GAS7: variants seen among roughly 807,000 people sequenced by gnomAD.
GAS7 encodes the protein growth arrest specific 7.
A neutral mutation model predicts 71.1 loss-of-function variants in GAS7; 28 were observed. The ratio of observed to expected loss-of-function variants is 0.39; its 90% confidence interval spans 0.29 to 0.54. GAS7 has a LOEUF of 0.54. Ranked by LOEUF, GAS7 falls within the 20% of genes least tolerant of loss-of-function variation. The probability of loss-of-function intolerance (pLI) is 0.62; values close to 1 mark genes in which losing one functional copy is unlikely to be tolerated. For missense variants in GAS7, 436 were observed against 627.8 expected, an observed-to-expected ratio of 0.69 and a Z score of 3.27; for synonymous variants, 258 against 245.8, an observed-to-expected ratio of 1.05 and a Z score of -0.46.
intron 1 of GAS7, among the ~76,000 whole-genome samples, chr17:10,112,962 C>T (rs72809349): frequency 0.074 from 11,179 of 151,984 alleles, 537 homozygotes; most frequent in Non-Finnish European, 0.1. Flanking sequence ...GTAAAACAAC[C>T]GACTGGCCTG....
intron 1 of GAS7, among the ~76,000 whole-genome samples, chr17:10,102,841 T>C (rs1345768070): frequency 6.6e-6 from 1 of 151,176 alleles, no homozygotes; most frequent in Non-Finnish European, 1.5e-5. Flanking sequence ...GAGCCACAAA[T>C]CCCAAACAGG....
Position 10,122,138 on chromosome 17 carries a change from TG to T in GAS7, c.183+76069del, listed in dbSNP as rs1467659439. Among the ~76,000 whole-genome samples the T allele has an allele frequency of 2.0e-5, 3 of 152,132 alleles. No homozygotes were observed. The South Asian group carries it at 6.2e-4, about 32-fold the overall frequency. On this transcript the variant is annotated intron_variant, in intron 1 of 13. Transcript: ENST00000432992. ...ACACGACTCACTCCTCCTCGTACAGTGTGACCTGCATCTCCCGGGAGCACAC... is the reference window on the plus strand; with the variant it reads ...ACACGACTCACTCCTCCTCGTACAGTTGACCTGCATCTCCCGGGAGCACAC...
At chr17:10,129,677 TAAC>T (rs2073980934) in intron 1 of GAS7, among the ~76,000 whole-genome samples, 1 of 152,262 alleles carries the variant, frequency 6.6e-6, no homozygotes, top group Non-Finnish European at 1.5e-5. Flanking sequence ...TTGAAATTAC[TAAC>T]TTTTGTGTTC....
intron 1 of GAS7, among the ~76,000 whole-genome samples, chr17:10,074,113 G>A (rs954320990): frequency 6.6e-6 from 1 of 152,178 alleles, no homozygotes; most frequent in East Asian, 1.9e-4. Flanking sequence ...CGTATGCAAC[G>A]ATAACAGGAG....
chr17:9,927,335 A>ACACACACACACACACAC (rs57345129), intron 9 of GAS7, among the ~76,000 whole-genome samples: 1 of 149,502 alleles, frequency 6.7e-6, no homozygotes, highest in African/African-American at 2.5e-5. Flanking sequence ...ACACACACAC[A>ACACACACACACACACAC]AATTAGCTGG....
At position 10,103,542 on chromosome 17, in the gene GAS7, C is replaced by T. The variant is rs2073727049; in HGVS notation, c.184-83645G>A. On this transcript the variant is annotated intron_variant, in intron 1 of 13. Coordinates refer to ENST00000432992, the MANE Select transcript of GAS7 (RefSeq NM_201433.2). This position sits in a 1 kb window ranked among gnomAD's most constrained non-coding sequence, Gnocchi z 5.5. ...CTTCACTTAGAAAGATAGGAACAAC[C>T]CGGCCAGGCGCGATGGCTCCCACCT... Among the ~76,000 whole-genome samples, 1 of 151,906 alleles carries T rather than the reference C, an allele frequency of 6.6e-6. No individual in the cohort carries two copies. Among genetic ancestry groups the T allele is most frequent in the Non-Finnish European group, 1.5e-5 (1 of 67,974 alleles).
intron 1 of GAS7, among the ~76,000 whole-genome samples, chr17:10,099,046 C>T (rs944331958): frequency 6.6e-6 from 1 of 152,120 alleles, no homozygotes; most frequent in Non-Finnish European, 1.5e-5. Flanking sequence ...AGATGGGTAC[C>T]GAATGTCAGC....
chr17:9,971,178 C>T (rs1262134939), intron 3 of GAS7, among the ~76,000 whole-genome samples: 1 of 152,136 alleles, frequency 6.6e-6, no homozygotes, highest in Non-Finnish European at 1.5e-5. Context: ...GGGAGGATCG[C>T]TTGAGTCCAG....
chr17:9,945,201 G>A (rs1462414864), intron 6 of GAS7, among the ~76,000 whole-genome samples: 1 of 152,020 alleles, frequency 6.6e-6, no homozygotes, highest in Non-Finnish European at 1.5e-5. Flanking sequence ...GAGAGATGAT[G>A]TTTCCAAACC....
chr17:10,025,992 G>A (rs371134735), intron 1 of GAS7, among the ~76,000 whole-genome samples: 17 of 152,102 alleles, frequency 1.1e-4, no homozygotes, highest in East Asian at 7.7e-4. Flanking sequence ...TTTAACAGAC[G>A]GTGGAGGTTG....
intron 6 of GAS7, 72 bp from the exon 7 acceptor site, chr17:9,943,308 G>T: frequency 3.4e-6 from 3 of 895,462 alleles, no homozygotes; most frequent in South Asian, 2.7e-5. Context: ...GGCGTAGAGG[G>T]AGGACGGCTC....
intron 8 of GAS7, among the ~76,000 whole-genome samples, chr17:9,939,614 C>CCTTTTTTTT (rs1555596733): frequency 7.1e-4 from 102 of 144,352 alleles, no homozygotes; most frequent in African/African-American, 2.5e-3. Context: ...GTGGAAGTGC[C>CCTTTTTTTT]TTTTTTTTTT....
rs140993017 is a variant in GAS7 at position 9,964,094 on chromosome 17, T to C, written c.472-4839A>G. 5.2e-3 allele frequency among the ~76,000 whole-genome samples: 797 copies of C among 152,248 alleles called. 4 individuals carry two copies. The highest frequency in any genetic ancestry group is 0.018 in the African/African-American group (738 of 41,532). ...ATGCCTATAATAAGAGTATTTGTTT[T>C]AAATTTCCTTTGCCTGTGATTCCAG... On this transcript the variant is annotated intron_variant, in intron 4 of 13. Transcript: ENST00000432992.
chr17:10,089,743 A>C (rs1450312939), intron 1 of GAS7, among the ~76,000 whole-genome samples: 2 of 152,214 alleles, frequency 1.3e-5, no homozygotes, highest in Non-Finnish European at 2.9e-5. Flanking sequence ...CTTAGTGTAA[A>C]GAAGTCATTC....
intron 1 of GAS7, among the ~76,000 whole-genome samples, chr17:10,104,838 C>T (rs1032639832): frequency 2.6e-5 from 4 of 152,168 alleles, no homozygotes; most frequent in African/African-American, 9.7e-5. Flanking sequence ...TTACGATGAT[C>T]TTCTTGTTCC....
intron 1 of GAS7, among the ~76,000 whole-genome samples, chr17:10,140,391 G>A (rs898455463): frequency 6.6e-6 from 1 of 152,104 alleles, no homozygotes; most frequent in Non-Finnish European, 1.5e-5. Context: ...GAGTCCGGGG[G>A]TTGAGGCTGC....
chr17:9,934,203 G>T lies in GAS7; in HGVS notation c.848C>A (p.Ala283Glu). ...EAWAQVKKSL[A>E]DEAEVHLKFS... ...CTTGAGGTGAACTTCTGCTTCGTCC[G>T]CCAGGCTCTTCTTCACCTGGGCCCA... The change falls in exon 9 of 14, where the codon GCG (alanine) becomes GAG (glutamate). Residue 283 changes from alanine to glutamate, a missense_variant. By Grantham distance (107) the Ala-to-Glu change is moderately radical. Coordinates refer to ENST00000432992, the MANE Select transcript of GAS7 (RefSeq NM_201433.2). 3 of 1,612,614 alleles carry T rather than the reference G, an allele frequency of 1.9e-6. No homozygotes were observed. Among genetic ancestry groups the T allele is most frequent in the Non-Finnish European group, 1.7e-6 (2 of 1,178,868 alleles).
At chr17:10,102,977 C>T (rs879263148) in intron 1 of GAS7, among the ~76,000 whole-genome samples, 3 of 152,112 alleles carry the variant, frequency 2.0e-5, no homozygotes, top group South Asian at 2.1e-4. Flanking sequence ...TGTGGAATCT[C>T]GATCCTCAGA....
chr17:10,142,677 A>G (rs1010319602), intron 1 of GAS7, among the ~76,000 whole-genome samples: 1 of 152,224 alleles, frequency 6.6e-6, no homozygotes, highest in African/African-American at 2.4e-5. Flanking sequence ...AACAGAAAAC[A>G]TAACATAAAA....
Sources: allele counts gnomAD v4.1 joint callset (sites outside exome capture counted in the v4.1 genomes callset), GRCh38; gene constraint gnomAD v4.1.1; non-coding constraint Gnocchi (gnomAD v3.1); transcripts MANE v1.5; gene names NCBI Gene and HGNC (gene_info 2026-07-23, HGNC 2026-07-21).